Variants in CRYBG3 observed in about 807,000 individuals in gnomAD.
CRYBG3 encodes the protein crystallin beta-gamma domain containing 3, also known as very large A-kinase anchor protein.
In CRYBG3, 127 loss-of-function variants were observed where a neutral mutation model predicts 244.2. The ratio of observed to expected loss-of-function variants is 0.52; its 90% confidence interval spans 0.45 to 0.60. The LOEUF (loss-of-function observed/expected upper bound fraction) is 0.60. Ranked by LOEUF, CRYBG3 falls within the 20% of genes least tolerant of loss-of-function variation. CRYBG3 has a pLI of 0.00. For missense variants in CRYBG3, 3,325 were observed against 3,442.5 expected (o/e 0.97, Z 0.85); for synonymous variants, 1,132 against 1,195.8 (o/e 0.95, Z 1.10).
At chr3:97,857,388 T>C (rs1214861594) in intron 2 of CRYBG3, among the ~76,000 whole-genome samples, 2 of 151,982 alleles carry the variant, frequency 1.3e-5, no homozygotes, top group Non-Finnish European at 2.9e-5. Context: ...GTTAGGTCTA[T>C]AGTGAAATTT....
chr3:97,905,443 G>T (rs1205575680), intron 15 of CRYBG3, among the ~76,000 whole-genome samples: 1 of 151,454 alleles, frequency 6.6e-6, no homozygotes, highest in African/African-American at 2.4e-5. Flanking sequence ...ATTCTAACTG[G>T]TGTGAGATGG....
rs2039674678 is a variant in CRYBG3, at chr3:97,899,124, T to C, written c.7845-13T>C. The C allele has an allele frequency of 6.3e-7, 1 of 1,598,560 alleles. No homozygotes were observed. Among genetic ancestry groups the C allele is most frequent in the Admixed American group, 1.8e-5 (1 of 55,658 alleles). On this transcript the variant is annotated splice_polypyrimidine_tract_variant and intron_variant, in intron 13 of 21. Coordinates refer to ENST00000389622, the MANE Select transcript of CRYBG3 (RefSeq NM_153605.4). ...TGTTTTTATTTTTTTGTTTTTTCTT[T>C]TTTCCCTACTAGATGGGTTGCCTAC...
intron 15 of CRYBG3, among the ~76,000 whole-genome samples, chr3:97,904,046 C>G (rs1032633056): frequency 4.6e-5 from 7 of 152,098 alleles, no homozygotes; most frequent in Admixed American, 3.9e-4. Context: ...ATCGATTGTT[C>G]TGTAAAGGTA....
intron 19 of CRYBG3, among the ~76,000 whole-genome samples, chr3:97,938,993 ATTC>A (rs1266369119): frequency 4.6e-5 from 7 of 152,086 alleles, no homozygotes; most frequent in African/African-American, 1.7e-4. Flanking sequence ...AGAGATAGGA[ATTC>A]AGTTTAGCTT....
At chr3:97,885,810 T>C (rs10935132) in intron 7 of CRYBG3, among the ~76,000 whole-genome samples, 36,658 of 152,004 alleles carry the variant, frequency 0.24, 4,755 homozygotes, top group Middle Eastern at 0.33. Context: ...TTGATGTGCT[T>C]GGGTCTGAAG....
intron 19 of CRYBG3, among the ~76,000 whole-genome samples, chr3:97,937,232 G>A (rs1291693128): frequency 6.6e-6 from 1 of 151,976 alleles, no homozygotes; most frequent in African/African-American, 2.4e-5. Flanking sequence ...CTAAGCATTT[G>A]GATATTCCCC....
Position 97,834,366 on chromosome 3 carries a change from T to C in CRYBG3, c.150-8829T>C, listed in dbSNP as rs1274877760. ...AATGTCAGAAGTGACATGAAAATGG[T>C]ATTTGGGTGGTCTCACCAATATTTG... On this transcript the variant is annotated intron_variant, in intron 1 of 21. Transcript: ENST00000389622. 2.0e-5 allele frequency among the ~76,000 whole-genome samples: 3 copies of C among 152,124 alleles called. No individual in the cohort carries two copies. In the South Asian group the frequency reaches 6.2e-4, roughly 31 times the overall value.
intron 1 of CRYBG3, among the ~76,000 whole-genome samples, chr3:97,830,183 T>G (rs73850192): frequency 4.2e-4 from 64 of 152,324 alleles, no homozygotes; most frequent in African/African-American, 1.4e-3. Flanking sequence ...TTACTTTCTT[T>G]GTGTGATATT....
chr3:97,827,134 A>G (rs750423976), intron 1 of CRYBG3, among the ~76,000 whole-genome samples: 1 of 152,168 alleles, frequency 6.6e-6, no homozygotes, highest in Non-Finnish European at 1.5e-5. Flanking sequence ...AGAGGCAGAA[A>G]AGGGCATCCC....
Position 97,874,906 on chromosome 3 carries a change from A to T in CRYBG3, c.3712A>T (p.Thr1238Ser), listed in dbSNP as rs1439142552. Residue 1238 changes from threonine (T) to serine (S), a missense_variant, in exon 4 of 22, where the codon ACC becomes TCC. Around this residue, in one of 4 missense-constraint regions of CRYBG3, gnomAD observed 1,526 missense variants for 1,443.2 expected, o/e 1.06. Coordinates refer to ENST00000389622, the MANE Select transcript of CRYBG3 (RefSeq NM_153605.4). ...IAIEGIMNLGTLKEDISEKNP... is the reference protein window; with the variant it reads ...IAIEGIMNLGSLKEDISEKNP... The stretch of plus-strand genomic sequence containing the variant: ...CATAGAAGGTATAATGAATCTGGGT[A>T]CCCTGAAAGAAGACATCTCTGAGAA... 2.0e-6 allele frequency: 3 copies of T among 1,535,234 alleles called. No individual in the cohort carries two copies. The East Asian group carries it at 7.3e-5, about 38-fold the overall frequency.
At chr3:97,882,525 G>A (rs781376029) in intron 7 of CRYBG3, among the ~76,000 whole-genome samples, 4 of 152,130 alleles carry the variant, frequency 2.6e-5, no homozygotes, top group Admixed American at 6.5e-5. Context: ...TTCTGTGGTA[G>A]TATAGAGGAG....
At chr3:97,896,204 A>G in intron 12 of CRYBG3, 119 bp downstream of exon 12, 2 of 882,022 alleles carry the variant, frequency 2.3e-6, no homozygotes, top group Non-Finnish European at 3.3e-6. Flanking sequence ...AAGAGTATTA[A>G]CCTCAACTGC....
At chr3:97,941,043 A>G in intron 19 of CRYBG3, 105 bp from the exon 20 acceptor site, 2 of 863,100 alleles carry the variant, frequency 2.3e-6, no homozygotes, top group Non-Finnish European at 3.6e-6. Context: ...AACTGATATA[A>G]CTAAGATAGT....
At chr3:97,923,843 G>T (rs939599152) in intron 17 of CRYBG3, among the ~76,000 whole-genome samples, 3 of 151,932 alleles carry the variant, frequency 2.0e-5, no homozygotes, top group African/African-American at 7.2e-5. Context: ...TAGGTAAAAG[G>T]ACTCAATATT....
chr3:97,888,120 T>C (rs537817938), intron 8 of CRYBG3, among the ~76,000 whole-genome samples: 12 of 152,190 alleles, frequency 7.9e-5, no homozygotes, highest in Admixed American at 3.9e-4. Context: ...ATCAGACTTA[T>C]TATAGGACAG....
intron 15 of CRYBG3, among the ~76,000 whole-genome samples, chr3:97,906,063 G>A (rs1461602923): frequency 0.018 from 2,587 of 144,026 alleles, 69 homozygotes; most frequent in African/African-American, 0.062. Flanking sequence ...GTAGATATGC[G>A]GCGTTATTTC....
chr3:97,873,573 T>C lies in CRYBG3; in HGVS notation c.2379T>C (p.Asn793=). 1 of 1,535,682 alleles carries C rather than the reference T, an allele frequency of 6.5e-7. No homozygotes were observed. Among genetic ancestry groups the C allele is most frequent in the Non-Finnish European group, 8.7e-7 (1 of 1,146,762 alleles). ...VELVSSNTKA[N]MSIIEKSDSL... is the part of the protein sequence containing the mutation. ...TAGTGTCTTCAAACACTAAAGCAAA[T>C]ATGAGCATAATAGAGAAGTCTGATT... The change falls in exon 4 of 22, where the codon AAT becomes AAC. Residue 793 remains asparagine, a synonymous_variant. Transcript: ENST00000389622.
In CRYBG3 at chr3:97,875,508, T is replaced by A; in HGVS notation, c.4314T>A (p.Asp1438Glu). ...ACATGTCACATAAACGGTTAGATGA[T>A]AGGGTAAAAACACATTTATTTCGCA... ...AEDMSHKRLD[D>E]RVKTHLFRSE... Residue 1438 changes from aspartate (D) to glutamate (E), a missense_variant, in exon 4 of 22, where the codon GAT becomes GAA. Transcript: ENST00000389622. The A allele has an allele frequency of 7.8e-7, 1 of 1,281,354 alleles. No homozygotes were observed. Among genetic ancestry groups the A allele is most frequent in the Non-Finnish European group, 9.8e-7 (1 of 1,019,564 alleles). 79.4% of individuals were successfully genotyped at this position (1,281,354 alleles called of 1,614,324 possible). A position where few individuals can be genotyped will look rare whatever the true frequency, so the allele number is the denominator to read the frequency against.
intron 17 of CRYBG3, among the ~76,000 whole-genome samples, chr3:97,931,012 C>G (rs1352161552): frequency 6.6e-6 from 1 of 152,040 alleles, no homozygotes; most frequent in African/African-American, 2.4e-5. Flanking sequence ...CCTGGAACAT[C>G]CTTTTTGCCT....
Sources: gnomAD v4.1 joint callset for allele counts (sites outside exome capture counted in the v4.1 genomes callset) on GRCh38, gnomAD v4.1.1 for gene constraint, gnomAD v4.1.1 regional missense constraint, MANE v1.5 for transcripts, NCBI Gene and HGNC (gene_info 2026-07-23, HGNC 2026-07-21) for gene names.